SLC4A4: variants seen among roughly 807,000 people sequenced by gnomAD.
SLC4A4 encodes electrogenic sodium bicarbonate cotransporter 1.
Under a neutral mutation model 111.5 loss-of-function variants are expected in SLC4A4, and 27 were observed. The ratio of observed to expected loss-of-function variants is 0.24; its 90% CI spans 0.18 to 0.33. SLC4A4 has a LOEUF of 0.33. Among genes scored for constraint, SLC4A4 ranks in the 10% least tolerant of loss-of-function variants. SLC4A4 has a pLI of 1.00. For missense variants in SLC4A4, 909 were observed against 1,315.5 expected, an observed-to-expected ratio of 0.69 and a Z score of 4.78; for synonymous variants, 443 against 463.4, an observed-to-expected ratio of 0.96 and a Z score of 0.57.
chr4:71,094,920 G>A (rs1021107256), intron 2 of SLC4A4, among the ~76,000 whole-genome samples: 20 of 152,130 alleles, frequency 1.3e-4, no homozygotes, highest in Admixed American at 1.2e-3. Flanking sequence ...TCAATGAACA[G>A]GCTAAAAGTT....
At position 71,339,390 on chromosome 4, in the gene SLC4A4, ATCCGATTCATCTTGG is replaced by A; in HGVS notation, c.275_289del (p.Ile92_Gly97delinsArg). 1 of 1,614,134 alleles carries A rather than the reference ATCCGATTCATCTTGG, an allele frequency of 6.2e-7. No individual in the cohort carries two copies. Among genetic ancestry groups the A allele is most frequent in the Non-Finnish European group, 8.5e-7 (1 of 1,180,028 alleles). On this transcript the variant is annotated inframe_deletion, in exon 4 of 26. Transcript: ENST00000264485. ...TGCAGTCTCTCCTGCTGCAGAACGCATCCGATTCATCTTGGGAGAGGAGGATGACAGCCCAGCTCC... is the reference window on the plus strand; with the variant it reads ...TGCAGTCTCTCCTGCTGCAGAACGCAGAGAGGAGGATGACAGCCCAGCTCC...
rs542948161 is a variant in SLC4A4 at position 71,192,331 on chromosome 4, A to G, written c.-2+4930A>G. 1.2e-4 allele frequency among the ~76,000 whole-genome samples: 18 copies of G among 152,312 alleles called. No homozygotes were observed. The South Asian group carries it at 3.7e-3, about 32-fold the overall frequency. On this transcript the variant is annotated intron_variant, in intron 1 of 25. Transcript: ENST00000264485. ...CTGAGCAGGCAAAATAGAGGGTAAA[A>G]AAGTAAATACATTAAAAAGAATTCA...
intron 1 of SLC4A4, among the ~76,000 whole-genome samples, chr4:71,197,414 T>C (rs1217873755): frequency 6.6e-6 from 1 of 152,208 alleles, no homozygotes; most frequent in Non-Finnish European, 1.5e-5. Flanking sequence ...TTAACTTATT[T>C]TGATATGACT....
rs371405713 is a variant in SLC4A4, at chr4:71,463,973, G to T, written c.1498-2471G>T. Among the ~76,000 whole-genome samples, 9 of 152,072 alleles carry T rather than the reference G, an allele frequency of 5.9e-5. No homozygotes were observed. The East Asian group carries it at 1.7e-3, about 29-fold the overall frequency. On this transcript the variant is annotated intron_variant, in intron 12 of 25. Transcript: ENST00000264485. ...GTCAGTGCTGTTTTGATCCATAGTA[G>T]TGATAAGAAATATCACTCTTTGCTT...
chr4:71,305,309 T>C lies in SLC4A4; in HGVS notation c.254-34061T>C, dbSNP rs149164623. Among the ~76,000 whole-genome samples, 489 of 152,344 alleles carry C rather than the reference T, an allele frequency of 3.2e-3. 2 individuals carry two copies. The highest frequency in any genetic ancestry group is 0.01 in the African/African-American group (423 of 41,586). ...AGCAGTGTAACCTTTGGTGATTGAC[T>C]TAATCTATCTAAACCTTCATTTTTA... is the stretch of plus-strand genomic sequence containing the variant. On this transcript the variant is annotated intron_variant, in intron 3 of 25. Transcript: ENST00000264485.
At chr4:71,469,925 C>A (rs188868864) in intron 13 of SLC4A4, among the ~76,000 whole-genome samples, 1 of 151,888 alleles carries the variant, frequency 6.6e-6, no homozygotes, top group African/African-American at 2.4e-5. Context: ...TGTTCCTAAC[C>A]ATTAGCTAGT....
chr4:71,207,369 A>G (rs4694385), intron 1 of SLC4A4, among the ~76,000 whole-genome samples: 108,089 of 152,192 alleles, frequency 0.71, 42,101 homozygotes, highest in Non-Finnish European at 0.88. Flanking sequence ...TTAATTCAGA[A>G]TTAGAACAAT....
chr4:71,264,227 GTTCTA>G (rs1487155097), intron 3 of SLC4A4, among the ~76,000 whole-genome samples: 2 of 152,052 alleles, frequency 1.3e-5, no homozygotes, highest in African/African-American at 4.8e-5. Context: ...TAACTGGAAT[GTTCTA>G]TTCTTTTGCT....
chr4:71,570,469 C>G lies in SLC4A4; in HGVS notation c.*2718C>G, dbSNP rs1258683926. The G allele has an allele frequency of 6.6e-6, 1 of 152,130 alleles. No homozygotes were observed. Among genetic ancestry groups the G allele is most frequent in the East Asian group, 1.9e-4 (1 of 5,130 alleles). The allele number at this position is 152,130 out of a possible 1,614,324, so 9.4% of individuals were successfully genotyped here. ...AAACCTGAGGTTTACCTAGTGACACCAAATTATCGGTATTTTAACTGAATT... is the reference window on the plus strand; with the variant it reads ...AAACCTGAGGTTTACCTAGTGACACGAAATTATCGGTATTTTAACTGAATT... On this transcript the variant is annotated 3_prime_UTR_variant, in exon 26 of 26. Transcript: ENST00000264485.
chr4:71,380,521 C>A (rs1251026550), intron 6 of SLC4A4, among the ~76,000 whole-genome samples: 1 of 152,172 alleles, frequency 6.6e-6, no homozygotes, highest in Non-Finnish European at 1.5e-5. Context: ...TAATAGAGGT[C>A]ATTTCCCAGG....
chr4:71,085,268 T>C (rs558518195), intron 1 of SLC4A4, among the ~76,000 whole-genome samples: 2 of 152,224 alleles, frequency 1.3e-5, no homozygotes, highest in South Asian at 2.1e-4. Context: ...TTTTTTCTTG[T>C]AAATTTGTTT....
intron 7 of SLC4A4, among the ~76,000 whole-genome samples, chr4:71,419,526 C>A (rs543135243): frequency 2.6e-5 from 4 of 152,182 alleles, no homozygotes; most frequent in Non-Finnish European, 4.4e-5. Flanking sequence ...CTCCTGGTGC[C>A]CCGTTTTTTA....
rs142556061 is a variant in SLC4A4, at chr4:71,412,532, G to A, written c.807+14879G>A. 1.7e-3 allele frequency among the ~76,000 whole-genome samples: 252 copies of A among 152,318 alleles called. 1 individual carries two copies. The highest frequency in any genetic ancestry group is 2.9e-3 in the South Asian group (14 of 4,826). On this transcript the variant is annotated intron_variant, in intron 7 of 25. Coordinates refer to ENST00000264485, the MANE Select transcript of SLC4A4 (RefSeq NM_001098484.3). ...ATAAGGATGAATTATATAGGAAATT[G>A]AGCTTTGTCACTAATGTATATATGA... is the stretch of plus-strand genomic sequence containing the variant.
upstream of SLC4A4, among the ~76,000 whole-genome samples, chr4:71,185,289 A>T (rs950454252): frequency 3.7e-4 from 57 of 152,230 alleles, no homozygotes; most frequent in African/African-American, 1.3e-3. Flanking sequence ...CAGCAATGGC[A>T]AATTTTTAAT....
At chr4:71,394,643 C>G (rs1719633206) in intron 6 of SLC4A4, among the ~76,000 whole-genome samples, 1 of 151,952 alleles carries the variant, frequency 6.6e-6, no homozygotes, top group African/African-American at 2.4e-5. Flanking sequence ...TATAGCAGCA[C>G]AATTCACAAT....
intron 3 of SLC4A4, among the ~76,000 whole-genome samples, chr4:71,314,552 T>C (rs1205972427): frequency 6.6e-6 from 1 of 152,026 alleles, no homozygotes; most frequent in East Asian, 1.9e-4. Context: ...ATATAGAAAA[T>C]GTGGCACATA....
At chr4:71,196,789 G>GCACCACT (rs904096687) in intron 1 of SLC4A4, among the ~76,000 whole-genome samples, 3 of 114,326 alleles carry the variant, frequency 2.6e-5, no homozygotes, top group African/African-American at 9.9e-5. Context: ...AGCCGAGATT[G>GCACCACT]CACCACTCTA....
At chr4:71,197,447 T>G (rs1746058831) in intron 1 of SLC4A4, among the ~76,000 whole-genome samples, 1 of 152,198 alleles carries the variant, frequency 6.6e-6, no homozygotes, top group Non-Finnish European at 1.5e-5. Context: ...TTCTTTGAGT[T>G]GGATAAATTT....
intron 7 of SLC4A4, among the ~76,000 whole-genome samples, chr4:71,429,918 C>A (rs1723486591): frequency 6.6e-6 from 1 of 152,034 alleles, no homozygotes; most frequent in Non-Finnish European, 1.5e-5. Flanking sequence ...GTCCTATTTA[C>A]CTCTTTGTTT....
Sources: gnomAD v4.1 joint callset for allele counts (sites outside exome capture counted in the v4.1 genomes callset) on GRCh38, gnomAD v4.1.1 for gene constraint, MANE v1.5 for transcripts, NCBI Gene and HGNC (gene_info 2026-07-23, HGNC 2026-07-21) for gene names.